Variants in SDK1 observed in about 807,000 individuals in gnomAD.
SDK1 encodes the protein sidekick cell adhesion molecule 1.
In SDK1, 157 loss-of-function variants were observed where a neutral mutation model predicts 245.5. That is an observed-to-expected ratio of 0.64 (90% CI 0.56 to 0.73). The LOEUF is 0.73. Among genes scored for constraint, SDK1 ranks in the 30% least tolerant of loss-of-function variants. The pLI, the probability that SDK1 is intolerant of heterozygous loss-of-function variation, is 0.00. For synonymous variants in SDK1, 1,647 were observed against 1,278.5 expected (o/e 1.29, Z -6.15); for missense variants, 3,583 against 3,002.3 (o/e 1.19, Z -4.52).
intron 1 of SDK1, among the ~76,000 whole-genome samples, chr7:3,388,025 A>C (rs1001931412): frequency 6.6e-6 from 1 of 152,224 alleles, no homozygotes; most frequent in African/African-American, 2.4e-5. Context: ...GTTAATACAA[A>C]TCTGCATTGT....
intron 28 of SDK1, among the ~76,000 whole-genome samples, chr7:4,143,664 C>A (rs560615806): frequency 6.6e-6 from 1 of 152,192 alleles, no homozygotes; most frequent in South Asian, 2.1e-4. Flanking sequence ...GCAGTGGGCC[C>A]TGGGGTCCGT....
intron 1 of SDK1, among the ~76,000 whole-genome samples, chr7:3,525,259 T>C (rs976221855): frequency 1.2e-4 from 18 of 152,100 alleles, no homozygotes; most frequent in Admixed American, 4.6e-4. Context: ...TACGTGATGA[T>C]GGGCCTCTCT....
chr7:3,551,955 A>T (rs1389801983), intron 1 of SDK1, among the ~76,000 whole-genome samples: 1 of 152,180 alleles, frequency 6.6e-6, no homozygotes, highest in Admixed American at 6.5e-5. Flanking sequence ...TAATTGAGAA[A>T]ATTAAGTATT....
intron 1 of SDK1, among the ~76,000 whole-genome samples, chr7:3,373,741 A>G (rs543295536): frequency 2.6e-5 from 4 of 152,190 alleles, no homozygotes; most frequent in Non-Finnish European, 4.4e-5. Flanking sequence ...GATTAGAAAA[A>G]CAAAGGTCAA....
intron 4 of SDK1, among the ~76,000 whole-genome samples, chr7:3,688,404 C>A (rs994380976): frequency 6.6e-6 from 1 of 152,200 alleles, no homozygotes; most frequent in Non-Finnish European, 1.5e-5. Flanking sequence ...TTAATTCTTA[C>A]ATGTAGTATG....
chr7:3,955,254 G>A lies in SDK1; in HGVS notation c.1150+3334G>A, dbSNP rs1583627114. Among the ~76,000 whole-genome samples the A allele has an allele frequency of 2.6e-5, 4 of 152,174 alleles. No homozygotes were observed. In the East Asian group the frequency reaches 7.7e-4, roughly 29 times the overall value. ...GGCTTGGGGGCTGGCTCCTGGCCAG[G>A]GGTCCCCTCAGGTTCCAGAGTCCCC... On this transcript the variant is annotated intron_variant, in intron 7 of 44. Transcript: ENST00000404826.
At chr7:4,209,442 T>A (rs534335712) in intron 37 of SDK1, among the ~76,000 whole-genome samples, 1 of 152,234 alleles carries the variant, frequency 6.6e-6, no homozygotes, top group South Asian at 2.1e-4. Flanking sequence ...GCCAGCAGGC[T>A]CCACATCACC....
intron 14 of SDK1, among the ~76,000 whole-genome samples, chr7:4,001,542 A>T (rs1044928008): frequency 2.0e-5 from 3 of 152,158 alleles, no homozygotes; most frequent in Non-Finnish European, 4.4e-5. Context: ...TTTGGGCTGC[A>T]TCCATTAGCT....
chr7:3,401,600 G>A (rs1332409812), intron 1 of SDK1, among the ~76,000 whole-genome samples: 2 of 152,088 alleles, frequency 1.3e-5, no homozygotes, highest in Non-Finnish European at 2.9e-5. Flanking sequence ...TGAGCCAGCC[G>A]TAGTTCACTG....
At chr7:3,302,077 C>A (rs1283331336) in intron 1 of SDK1, among the ~76,000 whole-genome samples, 193 bp downstream of exon 1, 1 of 152,054 alleles carries the variant, frequency 6.6e-6, no homozygotes, top group Admixed American at 6.5e-5. Flanking sequence ...CCCCGTAGAG[C>A]CTGCACCCCG....
intron 4 of SDK1, among the ~76,000 whole-genome samples, chr7:3,703,532 T>G (rs898988318): frequency 6.6e-6 from 1 of 152,186 alleles, no homozygotes; most frequent in Non-Finnish European, 1.5e-5. Context: ...GTGGCTGGAC[T>G]GTAGTGGTGG....
chr7:3,532,771 C>G (rs549351493), intron 1 of SDK1, among the ~76,000 whole-genome samples: 2 of 152,316 alleles, frequency 1.3e-5, no homozygotes, highest in South Asian at 2.1e-4. Flanking sequence ...CGAAGGGTGA[C>G]TAAAGCCTTG....
At chr7:4,248,254 AAC>A (rs1275765904) in intron 44 of SDK1, among the ~76,000 whole-genome samples, 1 of 151,918 alleles carries the variant, frequency 6.6e-6, no homozygotes, top group African/African-American at 2.4e-5. Context: ...ACCTAAATAG[AAC>A]ACACAACACA....
intron 1 of SDK1, among the ~76,000 whole-genome samples, chr7:3,394,804 T>C (rs1241735559): frequency 6.6e-6 from 1 of 152,114 alleles, no homozygotes; most frequent in African/African-American, 2.4e-5. Context: ...CCAGATTGTT[T>C]ATTGCTTATA....
rs577999521 is a variant in SDK1 at position 3,394,642 on chromosome 7, C to A, written c.298+92758C>A. ...GCCATTTTAACAATATTGAGTCTTT[C>A]GATCCATAAATATTGAATGTCTCAT... On this transcript the variant is annotated intron_variant, in intron 1 of 44. Coordinates refer to ENST00000404826, the MANE Select transcript of SDK1 (RefSeq NM_152744.4). Among the ~76,000 whole-genome samples, 4 of 151,916 alleles carry A rather than the reference C, an allele frequency of 2.6e-5. No homozygotes were observed. In the South Asian group the frequency reaches 8.3e-4, roughly 32 times the overall value.
intron 4 of SDK1, among the ~76,000 whole-genome samples, chr7:3,646,489 C>G (rs903638379): frequency 6.6e-6 from 1 of 152,080 alleles, no homozygotes; most frequent in Non-Finnish European, 1.5e-5. Context: ...ATAATTAGCT[C>G]TATGTATAGT....
At chr7:3,705,931 G>T (rs1271057661) in intron 4 of SDK1, among the ~76,000 whole-genome samples, 1 of 151,988 alleles carries the variant, frequency 6.6e-6, no homozygotes, top group African/African-American at 2.4e-5. Context: ...TTTATTTTGA[G>T]GTAAGTCCCA....
At chr7:4,069,997 T>C (rs116449611) in intron 20 of SDK1, among the ~76,000 whole-genome samples, 1 of 152,156 alleles carries the variant, frequency 6.6e-6, no homozygotes. Context: ...ATGCTCACTT[T>C]CCCCATCCAC....
chr7:4,220,843 C>T (rs1785110951), intron 39 of SDK1, among the ~76,000 whole-genome samples: 1 of 151,996 alleles, frequency 6.6e-6, no homozygotes, highest in Non-Finnish European at 1.5e-5. Flanking sequence ...ATGATCATAG[C>T]TCACTGCAGC....
Sources: allele counts gnomAD v4.1 joint callset (sites outside exome capture counted in the v4.1 genomes callset), GRCh38; gene constraint gnomAD v4.1.1; transcripts MANE v1.5; gene names NCBI Gene and HGNC (gene_info 2026-07-23, HGNC 2026-07-21).